RIMS4: variants seen among roughly 807,000 people sequenced by gnomAD.
The protein encoded by RIMS4 is regulating synaptic membrane exocytosis 4.
RIMS4 carries 9 observed loss-of-function variants against 29.0 expected under a neutral mutation model. The ratio of observed to expected loss-of-function variants is 0.31; its 90% CI spans 0.19 to 0.54. The LOEUF is 0.54. RIMS4 is among the 20% of genes least tolerant of loss of function. The probability of loss-of-function intolerance (pLI) is 0.94; values close to 1 mark genes in which losing one functional copy is unlikely to be tolerated. For synonymous variants in RIMS4, 130 were observed against 152.9 expected, an observed-to-expected ratio of 0.85 and a Z score of 1.10; for missense variants, 193 against 365.7, an observed-to-expected ratio of 0.53 and a Z score of 3.85.
intron 1 of RIMS4, among the ~76,000 whole-genome samples, chr20:44,778,311 C>T (rs2066169300): frequency 6.6e-6 from 1 of 152,164 alleles, no homozygotes; most frequent in Non-Finnish European, 1.5e-5. Context: ...AGGGATCATC[C>T]AGATCAATGC....
chr20:44,801,436 C>A (rs1374172508), intron 1 of RIMS4, among the ~76,000 whole-genome samples: 4 of 152,204 alleles, frequency 2.6e-5, no homozygotes, highest in Non-Finnish European at 4.4e-5. Flanking sequence ...CCCCCGGGAG[C>A]ATTTCCCAGC....
intron 1 of RIMS4, among the ~76,000 whole-genome samples, chr20:44,777,886 G>C (rs1300471979): frequency 6.6e-6 from 1 of 152,194 alleles, no homozygotes; most frequent in South Asian, 2.1e-4. Flanking sequence ...AGAGCTCTGG[G>C]TGACTGGGTT....
At chr20:44,793,447 G>A (rs2066241646) in intron 1 of RIMS4, among the ~76,000 whole-genome samples, 1 of 152,082 alleles carries the variant, frequency 6.6e-6, no homozygotes, top group Non-Finnish European at 1.5e-5. Flanking sequence ...TTCTCCCTCT[G>A]CTCCCATATC....
At chr20:44,809,956 G>A (rs186744803) in intron 1 of RIMS4, among the ~76,000 whole-genome samples, 3 of 152,094 alleles carry the variant, frequency 2.0e-5, no homozygotes, top group Admixed American at 2.0e-4. Context: ...GCCCACCTGC[G>A]GGAAAGGTGA....
At chr20:44,797,722 T>C (rs985179293) in intron 1 of RIMS4, among the ~76,000 whole-genome samples, 5 of 152,196 alleles carry the variant, frequency 3.3e-5, no homozygotes, top group African/African-American at 1.2e-4. Context: ...CGAGCCCTAA[T>C]TTAAAGCTGT....
At chr20:44,759,782 C>T (rs983705567) in intron 2 of RIMS4, among the ~76,000 whole-genome samples, 2 of 152,244 alleles carry the variant, frequency 1.3e-5, no homozygotes, top group African/African-American at 4.8e-5. Context: ...TCAGGCAAAA[C>T]CCATAAACTC....
At chr20:44,782,358 A>G (rs1381795547) in intron 1 of RIMS4, among the ~76,000 whole-genome samples, 2 of 152,280 alleles carry the variant, frequency 1.3e-5, no homozygotes, top group East Asian at 3.9e-4. Flanking sequence ...CCCGTCTCCC[A>G]GGTTCAAGTG....
At chr20:44,807,801 G>A (rs1002857917) in intron 1 of RIMS4, among the ~76,000 whole-genome samples, 10 of 152,124 alleles carry the variant, frequency 6.6e-5, no homozygotes, top group South Asian at 4.2e-4. Context: ...TTATTTTTCC[G>A]GAAATGAAAG....
intron 1 of RIMS4, among the ~76,000 whole-genome samples, chr20:44,794,965 GA>G (rs1328995681): frequency 6.6e-6 from 1 of 152,178 alleles, no homozygotes; most frequent in African/African-American, 2.4e-5. Context: ...AAAAACCCAA[GA>G]GGGGTTCCAA....
At chr20:44,761,510 A>G (rs1372293855) in intron 2 of RIMS4, among the ~76,000 whole-genome samples, 1 of 152,190 alleles carries the variant, frequency 6.6e-6, no homozygotes, top group Non-Finnish European at 1.5e-5. Flanking sequence ...GCCCCCACCC[A>G]GTGACAAACT....
chr20:44,757,677 T>G lies in RIMS4; in HGVS notation c.444A>C (p.Thr148=), dbSNP rs926315151. Residue 148 remains threonine, a synonymous_variant, in exon 4 of 6, where the codon ACA becomes ACC. Coordinates refer to ENST00000372851, the MANE Select transcript of RIMS4 (RefSeq NM_182970.4). ...GGAAGGTAGGCCCCAGACCTGGCAGTGTCTTGGAGCCTGGCTTGGCTGTCA... is the reference window on the plus strand; with the variant it reads ...GGAAGGTAGGCCCCAGACCTGGCAGGGTCTTGGAGCCTGGCTTGGCTGTCA... ...RGLTAKPGSK[T]LPAAYIKAYL... The G allele has an allele frequency of 4.3e-6, 7 of 1,612,910 alleles. No individual in the cohort carries two copies. The highest frequency in any genetic ancestry group is 1.6e-4 in the Middle Eastern group (1 of 6,080).
chr20:44,802,454 C>T (rs914764520), intron 1 of RIMS4, among the ~76,000 whole-genome samples: 1 of 152,180 alleles, frequency 6.6e-6, no homozygotes, highest in African/African-American at 2.4e-5. Context: ...CTGCCGGATT[C>T]CAAAGCTATG....
intron 2 of RIMS4, among the ~76,000 whole-genome samples, chr20:44,767,459 C>A (rs577775253): frequency 6.6e-6 from 1 of 152,262 alleles, no homozygotes; most frequent in East Asian, 1.9e-4. Context: ...AGGGGATCAA[C>A]CACAACTGGC....
chr20:44,771,544 A>G (rs1428796480), intron 1 of RIMS4, 131 bp from the exon 2 acceptor site: 1 of 925,986 alleles, frequency 1.1e-6, no homozygotes, highest in African/African-American at 1.7e-5. Context: ...CCCTCAGCCC[A>G]TCAACCTCCT....
At chr20:44,778,590 A>G (rs1027243061) in intron 1 of RIMS4, among the ~76,000 whole-genome samples, 2 of 152,164 alleles carry the variant, frequency 1.3e-5, no homozygotes, top group Non-Finnish European at 2.9e-5. Context: ...GCTGGAGCCC[A>G]GGAGTTTGAG....
At chr20:44,793,932 G>A (rs1258426386) in intron 1 of RIMS4, among the ~76,000 whole-genome samples, 3 of 152,162 alleles carry the variant, frequency 2.0e-5, no homozygotes, top group African/African-American at 7.2e-5. Context: ...AGCTGGGCAG[G>A]CTGGCATGTA....
At chr20:44,764,796 C>T (rs2066106800) in intron 2 of RIMS4, among the ~76,000 whole-genome samples, 4 of 152,196 alleles carry the variant, frequency 2.6e-5, no homozygotes, top group African/African-American at 9.7e-5. Context: ...ATACTTGAAT[C>T]ATGTTGGAAC....
intron 1 of RIMS4, among the ~76,000 whole-genome samples, chr20:44,797,221 C>T (rs6130696): frequency 0.11 from 16,142 of 152,232 alleles, 1,316 homozygotes; most frequent in African/African-American, 0.22. Flanking sequence ...ATCTTGCTGC[C>T]TATTTTTGTA....
intron 1 of RIMS4, among the ~76,000 whole-genome samples, chr20:44,777,709 G>T (rs1329524578): frequency 6.6e-6 from 1 of 152,144 alleles, no homozygotes; most frequent in Non-Finnish European, 1.5e-5. Context: ...ACATTTTATT[G>T]AAGATGGGCA....
Sources: allele counts gnomAD v4.1 joint callset (sites outside exome capture counted in the v4.1 genomes callset), GRCh38; gene constraint gnomAD v4.1.1; transcripts MANE v1.5; gene names NCBI Gene and HGNC (gene_info 2026-07-23, HGNC 2026-07-21).